GLYR1: variants seen among roughly 807,000 people sequenced by gnomAD.
GLYR1 encodes the protein glyoxylate reductase 1 homolog.
A neutral mutation model predicts 72.7 loss-of-function variants in GLYR1; 21 were observed. That is an observed-to-expected ratio of 0.29 (90% CI 0.20 to 0.42). The LOEUF (loss-of-function observed/expected upper bound fraction) is 0.42, where lower values mean the gene tolerates loss of function less well. Ranked by LOEUF, GLYR1 falls within the 10% of genes least tolerant of loss-of-function variation. The pLI is 1.00. For synonymous variants in GLYR1, 392 were observed against 270.2 expected, an observed-to-expected ratio of 1.45 and a Z score of -4.42; for missense variants, 594 against 712.1, an observed-to-expected ratio of 0.83 and a Z score of 1.89.
chr16:4,811,102 T>TA (rs369808419), intron 15 of GLYR1, 68 bp downstream of exon 15: 63,650 of 1,433,532 alleles, frequency 0.044, 32 homozygotes, highest in African/African-American at 0.06. Context: ...GAGACTCCGT[T>TA]AAAAAAAAAA....
chr16:4,832,707 A>G, intron 4 of GLYR1, 67 bp downstream of exon 4: 7 of 1,501,992 alleles, frequency 4.7e-6, no homozygotes, highest in South Asian at 4.0e-5. Flanking sequence ...GTGACATTTA[A>G]TCTGTTAGTT....
intron 3 of GLYR1, among the ~76,000 whole-genome samples, chr16:4,834,667 T>C (rs2085022038): frequency 6.6e-6 from 1 of 152,100 alleles, no homozygotes; most frequent in African/African-American, 2.4e-5. Context: ...GGTTTCCCTG[T>C]GTTGGCCAGG....
chr16:4,823,967 C>T (rs2084216350), intron 5 of GLYR1, 60 bp from the exon 6 acceptor site: 1 of 1,344,266 alleles, frequency 7.4e-7, no homozygotes, highest in Non-Finnish European at 1.1e-6. Flanking sequence ...AAACCCCTTG[C>T]AAGCTCCACA....
Position 4,803,485 on chromosome 16 carries a change from C to G in GLYR1, c.*1751G>C, listed in dbSNP as rs547205186. The G allele has an allele frequency of 2.0e-5, 3 of 152,738 alleles. No homozygotes were observed. The South Asian group carries it at 6.2e-4, about 32-fold the overall frequency. 9.5% of individuals were successfully genotyped at this position (152,738 alleles called of 1,614,324 possible). A position where few individuals can be genotyped will look rare whatever the true frequency, so the allele number is the denominator to read the frequency against. ...CAAAAGAAAGGTGAAATAGCTTAAA[C>G]AGAAATATTCATAAAAAGGAACTTT... is the stretch of plus-strand genomic sequence containing the variant. On this transcript the variant is annotated 3_prime_UTR_variant, in exon 16 of 16. Coordinates refer to ENST00000321919, the MANE Select transcript of GLYR1 (RefSeq NM_032569.4).
In GLYR1 at chr16:4,811,723, C is replaced by G. The variant is rs1402821408; in HGVS notation, c.1362G>C (p.Gly454=). The change falls in exon 14 of 16, where the codon GGG becomes GGC. Residue 454 remains glycine, a synonymous_variant. Transcript: ENST00000321919. The part of the protein sequence containing the change: ...QGSFMATIAE[G]LTLAQVTGQS... ...GGCCTGTCACCTGGGCCAGGGTCAG[C>G]CCCTCGGCAATAGTGGCCATGAAGC... 3.1e-6 allele frequency: 5 copies of G among 1,614,184 alleles called. No individual in the cohort carries two copies. In the Middle Eastern group the frequency reaches 5.0e-4, roughly 160 times the overall value.
At chr16:4,837,538 G>A (rs528255613) in intron 3 of GLYR1, among the ~76,000 whole-genome samples, 83 of 152,220 alleles carry the variant, frequency 5.5e-4, no homozygotes, top group South Asian at 1.0e-3. Flanking sequence ...ACATAGACAG[G>A]TGACCCGGGG....
At chr16:4,806,972 A>C (rs544415910) in intron 15 of GLYR1, among the ~76,000 whole-genome samples, 3 of 151,366 alleles carry the variant, frequency 2.0e-5, no homozygotes, top group Admixed American at 2.0e-4. Context: ...ACGCCTGGCT[A>C]ATTTTTTGTA....
At chr16:4,817,180 C>T (rs1271394477) in intron 10 of GLYR1, among the ~76,000 whole-genome samples, 4 of 151,094 alleles carry the variant, frequency 2.6e-5, no homozygotes, top group Non-Finnish European at 4.4e-5. Context: ...AGTGCAGTGG[C>T]GCGATCTCGG....
At position 4,845,088 on chromosome 16, in the gene GLYR1, A is replaced by G; in HGVS notation, c.141T>C (p.Phe47=). ...GTACTACTCACTGATCTTCTGTTCC[A>G]AAAAATTTCACAAAGAAGCATTTCT... ...RGKKCFFVKF[F]GTEDHAWIKV... is the part of the protein sequence containing the mutation. Residue 47 remains phenylalanine (F), a synonymous_variant, in exon 3 of 16, where the codon TTT becomes TTC. Transcript: ENST00000321919. 1 of 1,612,956 alleles carries G rather than the reference A, an allele frequency of 6.2e-7. No individual in the cohort carries two copies. Among genetic ancestry groups the G allele is most frequent in the East Asian group, 2.2e-5 (1 of 44,868 alleles).
At chr16:4,846,690 T>G (rs901511575) in intron 1 of GLYR1, 1 of 247,376 alleles carries the variant, frequency 4.0e-6, no homozygotes, top group Non-Finnish European at 8.1e-6. Flanking sequence ...CACCCAAGCG[T>G]GCACTGGTCA....
intron 3 of GLYR1, among the ~76,000 whole-genome samples, chr16:4,837,960 T>G (rs982394449): frequency 6.7e-6 from 1 of 150,364 alleles, no homozygotes; most frequent in Non-Finnish European, 1.5e-5. Flanking sequence ...AATAAATAAA[T>G]AAATAAATAA....
chr16:4,821,778 T>G (rs1274546548), intron 7 of GLYR1, 181 bp from the exon 8 acceptor site: 3 of 631,684 alleles, frequency 4.7e-6, no homozygotes, highest in African/African-American at 3.6e-5. Context: ...CAAGTCCCCA[T>G]GCAATTCTAC....
At chr16:4,840,944 A>G (rs2085503483) in intron 3 of GLYR1, among the ~76,000 whole-genome samples, 1 of 152,248 alleles carries the variant, frequency 6.6e-6, no homozygotes, top group Non-Finnish European at 1.5e-5. Flanking sequence ...GAAGTACTGT[A>G]CATCTTTACC....
intron 5 of GLYR1, among the ~76,000 whole-genome samples, chr16:4,825,289 C>T (rs1404866761): frequency 6.6e-6 from 1 of 152,200 alleles, no homozygotes; most frequent in Non-Finnish European, 1.5e-5. Context: ...TCTCCAACCT[C>T]AAGTCCTATT....
chr16:4,835,375 T>G (rs1467911989), intron 3 of GLYR1, among the ~76,000 whole-genome samples: 1 of 152,084 alleles, frequency 6.6e-6, no homozygotes, highest in South Asian at 2.1e-4. Flanking sequence ...TTTAAAGCAT[T>G]TGAGATACTA....
At chr16:4,847,038 C>G in intron 1 of GLYR1, 190 bp downstream of exon 1, 1 of 582,806 alleles carries the variant, frequency 1.7e-6, no homozygotes, top group Non-Finnish European at 3.0e-6. Flanking sequence ...CGTGGCCACC[C>G]TCGGCCTCGG....
chr16:4,828,984 A>G (rs1388289507), intron 5 of GLYR1, among the ~76,000 whole-genome samples: 1 of 152,130 alleles, frequency 6.6e-6, no homozygotes, highest in Non-Finnish European at 1.5e-5. Context: ...GACAGCCCAG[A>G]TTCCTTTTGG....
At chr16:4,845,695 T>C (rs2085969920) in intron 2 of GLYR1, among the ~76,000 whole-genome samples, 1 of 151,800 alleles carries the variant, frequency 6.6e-6, no homozygotes, top group South Asian at 2.1e-4. Flanking sequence ...AACACAACAT[T>C]TGGAAAGCAA....
chr16:4,832,356 C>G, intron 4 of GLYR1, 135 bp from the exon 5 acceptor site: 3 of 1,095,552 alleles, frequency 2.7e-6, no homozygotes, highest in Non-Finnish European at 3.9e-6. Flanking sequence ...ATAGATTCTG[C>G]TGTCGTCCCA....
Sources: gnomAD v4.1 joint callset for allele counts (sites outside exome capture counted in the v4.1 genomes callset) on GRCh38, gnomAD v4.1.1 for gene constraint, MANE v1.5 for transcripts, NCBI Gene and HGNC (gene_info 2026-07-23, HGNC 2026-07-21) for gene names.